Variants in LIX1 observed in about 807,000 individuals in gnomAD.
LIX1 encodes protein limb expression 1 homolog.
A neutral mutation model predicts 33.4 loss-of-function variants in LIX1; 24 were observed. That is an observed-to-expected ratio of 0.72 (90% confidence interval 0.52 to 1.01). The LOEUF (loss-of-function observed/expected upper bound fraction) is 1.01. Ranked by LOEUF, LIX1 falls within the 50% of genes least tolerant of loss-of-function variation. LIX1 has a pLI of 0.00. For missense variants in LIX1, 311 were observed against 339.2 expected (o/e 0.92, Z 0.65); for synonymous variants, 124 against 124.0 (o/e 1.00, Z 0.00).
intron 1 of LIX1, among the ~76,000 whole-genome samples, chr5:97,126,204 G>A (rs933679799): frequency 3.9e-5 from 6 of 152,290 alleles, no homozygotes; most frequent in Admixed American, 1.3e-4. Context: ...TGTGTAACAC[G>A]GCATCTATGC....
At chr5:97,105,116 A>G in intron 4 of LIX1, 74 bp downstream of exon 4, 3 of 1,269,904 alleles carry the variant, frequency 2.4e-6, no homozygotes, top group Non-Finnish European at 3.5e-6. Context: ...GGGAGATGTT[A>G]GTGATAAATG....
intron 2 of LIX1, 55 bp from the exon 3 acceptor site, chr5:97,107,555 C>T: frequency 1.9e-6 from 3 of 1,575,472 alleles, no homozygotes; most frequent in African/African-American, 1.3e-5. Context: ...TTCACCATTC[C>T]ACTCCTGCAT....
chr5:97,114,655 A>T (rs1248393273), intron 2 of LIX1, among the ~76,000 whole-genome samples: 3 of 152,108 alleles, frequency 2.0e-5, no homozygotes, highest in Non-Finnish European at 4.4e-5. Flanking sequence ...GTCTGCATAT[A>T]ATAAGATTTG....
intron 2 of LIX1, among the ~76,000 whole-genome samples, chr5:97,110,856 CT>C (rs1747352722): frequency 6.6e-6 from 1 of 151,718 alleles, no homozygotes; most frequent in Admixed American, 6.6e-5. Context: ...CACAAGAAGG[CT>C]TTGGGGGAAG....
chr5:97,107,456 C>A lies in LIX1; in HGVS notation c.291G>T (p.Val97=), dbSNP rs1747116003. The A allele has an allele frequency of 6.2e-7, 1 of 1,613,724 alleles. No individual in the cohort carries two copies. Among genetic ancestry groups the A allele is most frequent in the African/African-American group, 1.3e-5 (1 of 75,012 alleles). ...RAEARRDAAK[V]ALINSLFNEL... is the part of the protein sequence containing the mutation. Reference sequence around the variant, plus strand: ...CATTGAAGAGGGAGTTGATCAGGGCCACTTTAGCTGCATCCCGCCTGGCCT... The same window carrying A: ...CATTGAAGAGGGAGTTGATCAGGGCAACTTTAGCTGCATCCCGCCTGGCCT... The change falls in exon 3 of 6, where the codon GTG becomes GTT. Residue 97 remains valine, a synonymous_variant. Transcript: ENST00000274382.
intron 2 of LIX1, among the ~76,000 whole-genome samples, chr5:97,108,546 A>G (rs1458457681): frequency 2.0e-5 from 3 of 152,178 alleles, no homozygotes; most frequent in South Asian, 4.1e-4. Context: ...GACAAGCCCC[A>G]TAAGTACTGG....
chr5:97,141,728 C>T (rs1748293947), intron 1 of LIX1, among the ~76,000 whole-genome samples: 1 of 152,150 alleles, frequency 6.6e-6, no homozygotes, highest in Admixed American at 6.5e-5. Flanking sequence ...ATATGAAACC[C>T]ACTGTAGATA....
rs1224835778 is a variant in LIX1 at position 97,103,809 on chromosome 5, C to CA, written c.483+1380dup. Among the ~76,000 whole-genome samples, 9 of 151,768 alleles carry CA rather than the reference C, an allele frequency of 5.9e-5. No homozygotes were observed. The South Asian group carries it at 1.0e-3, about 18-fold the overall frequency. Reference sequence around the variant, plus strand: ...TGAAATCCCGTCTCTACTAAAAATACAAAAAATTAGCCGGGCATGGTGGTG... The same window carrying CA: ...TGAAATCCCGTCTCTACTAAAAATACAAAAAAATTAGCCGGGCATGGTGGTG... On this transcript the variant is annotated intron_variant, in intron 4 of 5. Coordinates refer to ENST00000274382, the MANE Select transcript of LIX1 (RefSeq NM_153234.5).
At chr5:97,138,266 T>G (rs1474655788) in intron 1 of LIX1, among the ~76,000 whole-genome samples, 2 of 152,218 alleles carry the variant, frequency 1.3e-5, no homozygotes, top group East Asian at 3.8e-4. Flanking sequence ...ATGGCTACAG[T>G]GACAATTAAG....
In LIX1 at chr5:97,124,632, GA is replaced by G; in HGVS notation, c.83-4del. The G allele has an allele frequency of 6.2e-7, 1 of 1,604,148 alleles. No individual in the cohort carries two copies. Among genetic ancestry groups the G allele is most frequent in the Non-Finnish European group, 8.5e-7 (1 of 1,174,982 alleles). On this transcript the variant is annotated splice_region_variant and splice_polypyrimidine_tract_variant and intron_variant, in intron 1 of 5. Transcript: ENST00000274382. ...CTGTAACATTGACACAACGTTCACTGAAAAAGACAAGAAACACCATCAGTTA... is the reference window on the plus strand; with the variant it reads ...CTGTAACATTGACACAACGTTCACTGAAAAGACAAGAAACACCATCAGTTA...
In LIX1 at chr5:97,132,531, C is replaced by A. The variant is rs114359249; in HGVS notation, c.83-7902G>T. 8.9e-3 allele frequency among the ~76,000 whole-genome samples: 1,349 copies of A among 151,960 alleles called. 26 individuals are homozygous for A. The highest frequency in any genetic ancestry group is 0.031 in the African/African-American group (1,287 of 41,426). ...TCCCATTGAGGAACTGTGTAGGGAG[C>A]AATAGGAAAGAGTGCCAGTAGGAAG... is the stretch of plus-strand genomic sequence containing the variant. On this transcript the variant is annotated intron_variant, in intron 1 of 5. Coordinates refer to ENST00000274382, the MANE Select transcript of LIX1 (RefSeq NM_153234.5).
At chr5:97,119,895 C>T (rs937594969) in intron 2 of LIX1, among the ~76,000 whole-genome samples, 4 of 152,116 alleles carry the variant, frequency 2.6e-5, no homozygotes, top group Admixed American at 2.6e-4. Context: ...ATTTCTTACA[C>T]TCATATCTTC....
intron 2 of LIX1, among the ~76,000 whole-genome samples, chr5:97,114,403 C>T (rs1747574243): frequency 6.6e-6 from 1 of 152,072 alleles, no homozygotes; most frequent in Non-Finnish European, 1.5e-5. Context: ...TAAAAAATTT[C>T]CCCCAAGACT....
At chr5:97,107,618 G>T in intron 2 of LIX1, 118 bp from the exon 3 acceptor site, 3 of 1,069,492 alleles carry the variant, frequency 2.8e-6, no homozygotes, top group Non-Finnish European at 4.0e-6. Context: ...CATCTATTCT[G>T]TTCATATACA....
At chr5:97,099,456 T>C (rs978632819) in intron 4 of LIX1, among the ~76,000 whole-genome samples, 10 of 152,234 alleles carry the variant, frequency 6.6e-5, no homozygotes, top group Admixed American at 1.3e-4. Flanking sequence ...CCAATATTTG[T>C]AAATAAGAAA....
At chr5:97,135,034 T>G (rs1184276579) in intron 1 of LIX1, among the ~76,000 whole-genome samples, 2 of 152,212 alleles carry the variant, frequency 1.3e-5, no homozygotes, top group Admixed American at 6.5e-5. Flanking sequence ...TTGCTTTTTT[T>G]CTTCTTCTTT....
chr5:97,104,796 C>G (rs867528937), intron 4 of LIX1, among the ~76,000 whole-genome samples: 4 of 152,058 alleles, frequency 2.6e-5, no homozygotes, highest in Non-Finnish European at 2.9e-5. Flanking sequence ...TATTGTTTAA[C>G]GTGCACTGCA....
rs559444483 is a variant in LIX1 at position 97,092,107 on chromosome 5, A to G, written c.*2641T>C. 1 of 152,476 alleles carries G rather than the reference A, an allele frequency of 6.6e-6. No individual in the cohort carries two copies. Among genetic ancestry groups the G allele is most frequent in the East Asian group, 1.9e-4 (1 of 5,334 alleles). 9.4% of individuals were successfully genotyped at this position (152,476 alleles called of 1,614,324 possible). A position where few individuals can be genotyped will look rare whatever the true frequency, so the allele number is the denominator to read the frequency against. ...GAGTTATGTTGGATCCCTGATGTAA[A>G]GTTTGACAGTGTATGTTGTGTTCAA... is the stretch of plus-strand genomic sequence containing the variant. On this transcript the variant is annotated 3_prime_UTR_variant, in exon 6 of 6. Coordinates refer to ENST00000274382, the MANE Select transcript of LIX1 (RefSeq NM_153234.5).
chr5:97,111,396 T>G (rs1747389200), intron 2 of LIX1, among the ~76,000 whole-genome samples: 1 of 152,222 alleles, frequency 6.6e-6, no homozygotes, highest in Non-Finnish European at 1.5e-5. Context: ...CATATAAAAA[T>G]ATATTAATGA....
Sources: allele counts gnomAD v4.1 joint callset (sites outside exome capture counted in the v4.1 genomes callset), GRCh38; gene constraint gnomAD v4.1.1; transcripts MANE v1.5; gene names NCBI Gene and HGNC (gene_info 2026-07-23, HGNC 2026-07-21).